The following NEK11 variants were observed in gnomAD, a reference collection of about 807,000 sequenced individuals.
NEK11 encodes the protein serine/threonine-protein kinase Nek11.
Under a neutral mutation model 80.7 loss-of-function variants are expected in NEK11, and 72 were observed. The ratio of observed to expected loss-of-function variants is 0.89; its 90% CI spans 0.74 to 1.08. NEK11 has a LOEUF of 1.08. Among genes scored for constraint, NEK11 ranks in the 50% least tolerant of loss-of-function variants. NEK11 has a pLI of 0.00. For missense variants in NEK11, 764 were observed against 763.6 expected, an observed-to-expected ratio of 1.00 and a Z score of -0.01; for synonymous variants, 251 against 260.7, an observed-to-expected ratio of 0.96 and a Z score of 0.36.
intron 5 of NEK11, among the ~76,000 whole-genome samples, chr3:131,129,276 G>C (rs531745593): frequency 8.8e-4 from 134 of 152,082 alleles, no homozygotes; most frequent in African/African-American, 3.2e-3. Context: ...GGATGGTCTC[G>C]ATCTCCTGAC....
intron 7 of NEK11, among the ~76,000 whole-genome samples, chr3:131,146,072 G>A (rs1257583759): frequency 1.3e-5 from 2 of 152,036 alleles, no homozygotes; most frequent in Non-Finnish European, 1.5e-5. Flanking sequence ...GCTCCCAAGG[G>A]TTGTTGTTAC....
At chr3:131,226,368 C>T (rs769555712) in intron 14 of NEK11, among the ~76,000 whole-genome samples, 2 of 152,080 alleles carry the variant, frequency 1.3e-5, no homozygotes, top group Non-Finnish European at 2.9e-5. Flanking sequence ...CAAAAAGACA[C>T]CTGCACGTTT....
intron 7 of NEK11, among the ~76,000 whole-genome samples, chr3:131,144,522 A>C (rs2087711965): frequency 6.6e-6 from 1 of 152,162 alleles, no homozygotes; most frequent in African/African-American, 2.4e-5. Flanking sequence ...AACTAGAAAA[A>C]AGAAACACTG....
At chr3:131,285,884 A>G (rs1233861469) in intron 17 of NEK11, among the ~76,000 whole-genome samples, 2 of 152,192 alleles carry the variant, frequency 1.3e-5, no homozygotes, top group Non-Finnish European at 2.9e-5. Flanking sequence ...CTATAATGAG[A>G]ACAATGTGGA....
chr3:131,328,168 T>C (rs1183215864), intron 17 of NEK11, among the ~76,000 whole-genome samples: 2 of 151,984 alleles, frequency 1.3e-5, no homozygotes, highest in Non-Finnish European at 2.9e-5. Context: ...TGTATTCCTG[T>C]AGTCCCAGCT....
chr3:131,115,423 T>C (rs1276719793), intron 5 of NEK11, among the ~76,000 whole-genome samples: 1 of 152,022 alleles, frequency 6.6e-6, no homozygotes, highest in African/African-American at 2.4e-5. Context: ...AGTGCAGCCG[T>C]AGAGGAGATA....
At chr3:131,200,914 C>T (rs1380678255) in intron 14 of NEK11, among the ~76,000 whole-genome samples, 2 of 152,146 alleles carry the variant, frequency 1.3e-5, no homozygotes, top group East Asian at 3.9e-4. Flanking sequence ...GTAACATGTG[C>T]ACCAGGAGAC....
At chr3:131,257,026 C>T (rs1000933888) in intron 16 of NEK11, among the ~76,000 whole-genome samples, 1 of 152,042 alleles carries the variant, frequency 6.6e-6, no homozygotes, top group Admixed American at 6.6e-5. Context: ...ACTCTATTGC[C>T]TGTGCTGGAG....
At chr3:131,292,272 G>A (rs767919536) in intron 17 of NEK11, among the ~76,000 whole-genome samples, 6 of 152,098 alleles carry the variant, frequency 3.9e-5, no homozygotes, top group Non-Finnish European at 8.8e-5. Context: ...CTGTTTCATT[G>A]ATCTATTTGT....
At chr3:131,115,940 TTCTTTCTTTCTTTCTTTCTTTCTTTC>T (rs2081037718) in intron 5 of NEK11, among the ~76,000 whole-genome samples, 1 of 121,288 alleles carries the variant, frequency 8.2e-6, no homozygotes. Flanking sequence ...CTTTCTTTCT[TTCTTTCTTTCTTTCTTTCTTTCTTTC>T]TTTCTTTCTT....
chr3:131,239,591 T>G (rs1004724637), intron 15 of NEK11, among the ~76,000 whole-genome samples: 1 of 152,162 alleles, frequency 6.6e-6, no homozygotes, highest in African/African-American at 2.4e-5. Flanking sequence ...AGATATGCCT[T>G]CGGGAGTCAG....
At chr3:131,027,454 T>C (rs1231981922) in intron 1 of NEK11, 1 of 152,076 alleles carries the variant, frequency 6.6e-6, no homozygotes, top group African/African-American at 2.4e-5. Context: ...AGTTCCCATC[T>C]AGCTTTCTTA....
chr3:131,152,251 C>A, intron 7 of NEK11, 137 bp from the exon 8 acceptor site: 1 of 613,494 alleles, frequency 1.6e-6, no homozygotes, highest in South Asian at 3.5e-5. Context: ...CTGTATGAAA[C>A]TGCAGTTTTA....
intron 15 of NEK11, among the ~76,000 whole-genome samples, chr3:131,230,193 G>A (rs1307835815): frequency 1.3e-5 from 2 of 152,128 alleles, no homozygotes; most frequent in South Asian, 2.1e-4. Context: ...AAATAAAACA[G>A]ATTTAGAACC....
chr3:131,125,673 T>C (rs2083202541), intron 5 of NEK11, among the ~76,000 whole-genome samples: 1 of 152,218 alleles, frequency 6.6e-6, no homozygotes, highest in East Asian at 1.9e-4. Flanking sequence ...CATTATGTAG[T>C]ACAGCACATA....
intron 17 of NEK11, among the ~76,000 whole-genome samples, chr3:131,282,670 G>A (rs1259224179): frequency 1.3e-5 from 2 of 152,162 alleles, no homozygotes; most frequent in Non-Finnish European, 2.9e-5. Flanking sequence ...CGGTTCACAA[G>A]TTCTTGAAAT....
intron 17 of NEK11, 24 bp downstream of exon 17, chr3:131,273,598 C>T (rs2096240891): frequency 1.3e-6 from 2 of 1,553,076 alleles, no homozygotes; most frequent in African/African-American, 1.4e-5. Context: ...TGCCTGCCCC[C>T]TAGGAAGGTG....
intron 5 of NEK11, among the ~76,000 whole-genome samples, chr3:131,124,121 G>T (rs1396750550): frequency 6.6e-6 from 1 of 152,092 alleles, no homozygotes; most frequent in Non-Finnish European, 1.5e-5. Context: ...CTCCAGAAAA[G>T]GTAAAAGGGA....
At chr3:131,332,016 A>G (rs1254089985) in intron 17 of NEK11, among the ~76,000 whole-genome samples, 1 of 152,226 alleles carries the variant, frequency 6.6e-6, no homozygotes, top group Admixed American at 6.5e-5. Flanking sequence ...CTGCCTCTGT[A>G]GGCTCCACCT....
Sources: gnomAD v4.1 joint callset for allele counts (sites outside exome capture counted in the v4.1 genomes callset) on GRCh38, gnomAD v4.1.1 for gene constraint, MANE v1.5 for transcripts, NCBI Gene and HGNC (gene_info 2026-07-23, HGNC 2026-07-21) for gene names.